SPON1: variants seen among roughly 807,000 people sequenced by gnomAD.
The protein encoded by SPON1 is spondin-1.
SPON1 carries 52 observed loss-of-function variants against 111.7 expected under a neutral mutation model. The ratio of observed to expected loss-of-function variants is 0.47; its 90% CI spans 0.37 to 0.59. The LOEUF is 0.59. Ranked by LOEUF, SPON1 falls within the 20% of genes least tolerant of loss-of-function variation. The pLI is 0.00. For synonymous variants in SPON1, 410 were observed against 395.8 expected, an observed-to-expected ratio of 1.04 and a Z score of -0.43; for missense variants, 957 against 1,068.5, an observed-to-expected ratio of 0.90 and a Z score of 1.46.
intron 6 of SPON1, among the ~76,000 whole-genome samples, chr11:14,178,767 T>A (rs1460080199): frequency 6.6e-6 from 1 of 151,978 alleles, no homozygotes; most frequent in Admixed American, 6.6e-5. Flanking sequence ...AAGTTATCTG[T>A]TAATTACACA....
chr11:14,133,071 A>G (rs1295526050), intron 5 of SPON1, among the ~76,000 whole-genome samples: 1 of 152,180 alleles, frequency 6.6e-6, no homozygotes, highest in African/African-American at 2.4e-5. Context: ...CTCTAAGACC[A>G]ATGCCTTTCT....
intron 6 of SPON1, among the ~76,000 whole-genome samples, chr11:14,194,779 C>T (rs2133893663): frequency 6.6e-6 from 1 of 152,256 alleles, no homozygotes; most frequent in African/African-American, 2.4e-5. Context: ...GGGTAAAACA[C>T]TGGCTTGCAC....
At chr11:14,068,421 G>A (rs961180832) in intron 3 of SPON1, among the ~76,000 whole-genome samples, 29 of 152,210 alleles carry the variant, frequency 1.9e-4, no homozygotes, top group African/African-American at 6.5e-4. Context: ...TTGTAGTCTT[G>A]TTAAGAGCCT....
chr11:14,014,819 A>G (rs1216776497), intron 2 of SPON1, among the ~76,000 whole-genome samples: 2 of 152,216 alleles, frequency 1.3e-5, no homozygotes, highest in Non-Finnish European at 2.9e-5. Context: ...TTTTTAAAGT[A>G]TTAATTTAAT....
chr11:14,260,544 C>T, intron 13 of SPON1, 44 bp from the exon 14 acceptor site: 1 of 1,587,304 alleles, frequency 6.3e-7, no homozygotes, highest in South Asian at 1.1e-5. Context: ...TCAACGAAAA[C>T]AAAAGGAACC....
At chr11:14,058,667 C>T (rs1195355106) in intron 3 of SPON1, among the ~76,000 whole-genome samples, 1 of 152,150 alleles carries the variant, frequency 6.6e-6, no homozygotes, top group African/African-American at 2.4e-5. Flanking sequence ...TCTGTACTTT[C>T]CTTCTCTTCT....
At chr11:14,085,757 A>T (rs1327145772) in intron 5 of SPON1, among the ~76,000 whole-genome samples, 2 of 152,194 alleles carry the variant, frequency 1.3e-5, no homozygotes, top group African/African-American at 4.8e-5. Context: ...CATTTTCACA[A>T]TATTAATTCT....
chr11:14,095,226 T>A (rs1317475530), intron 5 of SPON1, among the ~76,000 whole-genome samples: 2 of 152,150 alleles, frequency 1.3e-5, no homozygotes, highest in African/African-American at 2.4e-5. Context: ...GCTTGTCTAG[T>A]TTTTTCCCAT....
At chr11:14,241,288 G>A (rs1848923671) in intron 6 of SPON1, among the ~76,000 whole-genome samples, 1 of 152,208 alleles carries the variant, frequency 6.6e-6, no homozygotes, top group Admixed American at 6.5e-5. Context: ...AAAAAAAAGT[G>A]GAGCAGAACT....
At chr11:14,188,217 C>T (rs1554934252) in intron 6 of SPON1, among the ~76,000 whole-genome samples, 1 of 152,138 alleles carries the variant, frequency 6.6e-6, no homozygotes, top group African/African-American at 2.4e-5. Flanking sequence ...CCGTAAAAGA[C>T]TTTCAACACC....
At position 14,267,168 on chromosome 11, in the gene SPON1, A is replaced by G; in HGVS notation, c.*1481A>G. The G allele has an allele frequency of 6.6e-6, 1 of 152,244 alleles. No homozygotes were observed. The highest frequency in any genetic ancestry group is 2.1e-4 in the South Asian group (1 of 4,826). The allele number at this position is 152,244 out of a possible 1,614,324, so 9.4% of individuals were successfully genotyped here. The stretch of plus-strand genomic sequence containing the variant: ...CAACATAGTATAGTCCTGAATATGT[A>G]CTTTTAACACAAGAGAGACTATTCA... On this transcript the variant is annotated 3_prime_UTR_variant, in exon 16 of 16. Transcript: ENST00000576479.
intron 3 of SPON1, among the ~76,000 whole-genome samples, chr11:14,057,465 G>A (rs1404006803): frequency 6.6e-6 from 1 of 152,194 alleles, no homozygotes; most frequent in Non-Finnish European, 1.5e-5. Flanking sequence ...TATATTATCT[G>A]CAACAGAACA....
At chr11:14,127,247 G>C (rs1847470333) in intron 5 of SPON1, among the ~76,000 whole-genome samples, 1 of 143,160 alleles carries the variant, frequency 7.0e-6, no homozygotes, top group Non-Finnish European at 1.5e-5. Flanking sequence ...TAACTGATGT[G>C]TTTAATGTAG....
chr11:14,088,637 T>C (rs991689304), intron 5 of SPON1, among the ~76,000 whole-genome samples: 30 of 152,088 alleles, frequency 2.0e-4, no homozygotes, highest in Non-Finnish European at 3.8e-4. Flanking sequence ...GGGAGTATCA[T>C]TGTGGTGTTC....
At chr11:14,115,507 G>A (rs1849260160) in intron 5 of SPON1, among the ~76,000 whole-genome samples, 1 of 152,122 alleles carries the variant, frequency 6.6e-6, no homozygotes, top group African/African-American at 2.4e-5. Context: ...TTTACAATAT[G>A]TACTCTTTTG....
At chr11:14,233,918 A>G (rs1370998016) in intron 6 of SPON1, among the ~76,000 whole-genome samples, 4 of 152,082 alleles carry the variant, frequency 2.6e-5, no homozygotes, top group Non-Finnish European at 4.4e-5. Context: ...GCCCGCCACC[A>G]TGCCCAGCTA....
chr11:14,251,438 G>T (rs1216089101), intron 7 of SPON1, among the ~76,000 whole-genome samples: 1 of 152,192 alleles, frequency 6.6e-6, no homozygotes, highest in African/African-American at 2.4e-5. Context: ...ACAAGGCCTT[G>T]GTCTCAGATG....
At chr11:14,071,307 A>G (rs1468988318) in intron 3 of SPON1, among the ~76,000 whole-genome samples, 2 of 152,152 alleles carry the variant, frequency 1.3e-5, no homozygotes, top group East Asian at 3.8e-4. Context: ...GGTCTCCACT[A>G]GCATCTCTGT....
At position 14,113,584 on chromosome 11, in the gene SPON1, T is replaced by A. The variant is rs1554925664; in HGVS notation, c.677-21836T>A. On this transcript the variant is annotated intron_variant, in intron 5 of 15. Transcript: ENST00000576479. ...ACTTTTTAAATTTTTTTTTTTTTTT[T>A]TTTTTTTTTTTTTTTTTTTTTTTTT... 2.4e-4 allele frequency among the ~76,000 whole-genome samples: 7 copies of A among 28,964 alleles called. 1 individual carries two copies. The highest frequency in any genetic ancestry group is 4.4e-4 in the African/African-American group (3 of 6,840). 19.0% of individuals were successfully genotyped at this position (28,964 alleles called of 152,430 possible). A position where few individuals can be genotyped will look rare whatever the true frequency, so the allele number is the denominator to read the frequency against.
Sources: gnomAD v4.1 joint callset for allele counts (sites outside exome capture counted in the v4.1 genomes callset) on GRCh38, gnomAD v4.1.1 for gene constraint, MANE v1.5 for transcripts, NCBI Gene and HGNC (gene_info 2026-07-23, HGNC 2026-07-21) for gene names.